LDLRAD4: variants seen among roughly 807,000 people sequenced by gnomAD.
LDLRAD4 encodes low-density lipoprotein receptor class A domain-containing protein 4.
LDLRAD4 carries 5 observed loss-of-function variants against 17.0 expected under a neutral mutation model. The ratio of observed to expected loss-of-function variants is 0.29; its 90% confidence interval spans 0.15 to 0.62. The LOEUF is 0.62. Among genes scored for constraint, LDLRAD4 ranks in the 20% least tolerant of loss-of-function variants. The pLI is 0.84. For missense variants in LDLRAD4, 340 were observed against 424.7 expected (o/e 0.80, Z 1.75); for synonymous variants, 168 against 171.8 (o/e 0.98, Z 0.17).
chr18:13,640,269 G>A (rs774108549), intron 4 of LDLRAD4, among the ~76,000 whole-genome samples: 21 of 117,174 alleles, frequency 1.8e-4, no homozygotes, highest in East Asian at 2.8e-4. Flanking sequence ...CTCCAGCCTG[G>A]GCAACAGAGC....
chr18:13,275,035 G>C (rs2044776502), upstream of LDLRAD4, among the ~76,000 whole-genome samples: 1 of 141,382 alleles, frequency 7.1e-6, no homozygotes, highest in Non-Finnish European at 1.5e-5. Context: ...GCAAGACCCT[G>C]TTTCAAAAAA....
At chr18:13,332,901 T>A (rs1035788573) in intron 1 of LDLRAD4, among the ~76,000 whole-genome samples, 1 of 152,222 alleles carries the variant, frequency 6.6e-6, no homozygotes, top group African/African-American at 2.4e-5. Context: ...TGCATGGTTG[T>A]AAGTTTTTAA....
chr18:13,646,735 G>A (rs1234122574), exon 6 of LDLRAD4: 1 of 152,558 alleles, frequency 6.6e-6, no homozygotes, highest in Non-Finnish European at 1.5e-5. Context: ...TAAAATGCAA[G>A]GTGGTTATTC....
At chr18:13,506,277 T>G (rs2147374074) in intron 3 of LDLRAD4, among the ~76,000 whole-genome samples, 1 of 152,018 alleles carries the variant, frequency 6.6e-6, no homozygotes, top group South Asian at 2.1e-4. Flanking sequence ...ACGTGCAGTT[T>G]TGTTACATAT....
rs571170144 is a variant in LDLRAD4 at position 13,332,938 on chromosome 18, G to A, written c.-382-54403G>A. Reference sequence around the variant, plus strand: ...TTTTTTTTAGTAAATACCAACGAGCGCAATTGCTGGATCATATGCTAAGAG... The same window carrying A: ...TTTTTTTTAGTAAATACCAACGAGCACAATTGCTGGATCATATGCTAAGAG... On this transcript the variant is annotated intron_variant, in intron 1 of 5. Coordinates refer to ENST00000359446, the Ensembl canonical transcript of LDLRAD4. Among the ~76,000 whole-genome samples, 35 of 152,158 alleles carry A rather than the reference G, an allele frequency of 2.3e-4. 1 individual carries two copies. The highest frequency in any genetic ancestry group is 9.2e-4 in the Admixed American group (14 of 15,280).
chr18:13,532,673 A>C (rs2094145863), intron 3 of LDLRAD4, among the ~76,000 whole-genome samples: 1 of 152,226 alleles, frequency 6.6e-6, no homozygotes, highest in South Asian at 2.1e-4. Flanking sequence ...CTGGTTTTAT[A>C]AACAGGGAGA....
rs2086871967 is a variant in LDLRAD4, at chr18:13,398,339, G to A, written c.40+10577G>A. Among the ~76,000 whole-genome samples the A allele has an allele frequency of 6.6e-6, 1 of 152,208 alleles. No homozygotes were observed. Among genetic ancestry groups the A allele is most frequent in the Non-Finnish European group, 1.5e-5 (1 of 68,040 alleles). On this transcript the variant is annotated intron_variant, in intron 2 of 5. Coordinates refer to ENST00000359446, the Ensembl canonical transcript of LDLRAD4. This position sits in a 1 kb window ranked among gnomAD's most constrained non-coding sequence, Gnocchi z 4.8. ...AATGCTTAGGCGTGAAAGCAGCACA[G>A]CGTCACGGTGGTGATGCTTGCGTAG... is the stretch of plus-strand genomic sequence containing the variant.
Position 13,583,730 on chromosome 18 carries a change from G to A in LDLRAD4, c.182-37387G>A, listed in dbSNP as rs187270116. Among the ~76,000 whole-genome samples, 473 of 152,210 alleles carry A rather than the reference G, an allele frequency of 3.1e-3. 3 individuals are homozygous for A. The highest frequency in any genetic ancestry group is 0.01 in the African/African-American group (427 of 41,508). ...ACTGACAAGTAGTGTTGGGGGGCCCGGCCGCGCCGAAGCCTGCTTGAGTCA... is the reference window on the plus strand; with the variant it reads ...ACTGACAAGTAGTGTTGGGGGGCCCAGCCGCGCCGAAGCCTGCTTGAGTCA... On this transcript the variant is annotated intron_variant, in intron 3 of 5. Transcript: ENST00000359446.
At chr18:13,247,314 T>TAACATCATATGTA (rs1350989250) in intron 1 of LDLRAD4, among the ~76,000 whole-genome samples, 1 of 151,402 alleles carries the variant, frequency 6.6e-6, no homozygotes, top group Non-Finnish European at 1.5e-5. Context: ...GTAAAGGCAT[T>TAACATCATATGTA]AACATCATAT....
In LDLRAD4 at chr18:13,416,255, G is replaced by A. The variant is rs116807067; in HGVS notation, c.41-21989G>A. Among the ~76,000 whole-genome samples the A allele has an allele frequency of 9.8e-3, 1,494 of 152,326 alleles. 18 individuals carry two copies. Among genetic ancestry groups the A allele is most frequent in the African/African-American group, 0.033 (1,391 of 41,574 alleles). On this transcript the variant is annotated intron_variant, in intron 2 of 5. Transcript: ENST00000359446. ...TGCAGCTTTAAATGCGAATGCCCAC[G>A]ATTCTGTGTTCTCCAGCCAAGTGTG...
chr18:13,559,725 A>G (rs2094520622), intron 3 of LDLRAD4, among the ~76,000 whole-genome samples: 1 of 152,216 alleles, frequency 6.6e-6, no homozygotes, highest in Non-Finnish European at 1.5e-5. Context: ...TGAGAGTCAG[A>G]AAACTGGGTT....
intron 3 of LDLRAD4, among the ~76,000 whole-genome samples, chr18:13,602,574 T>C (rs1328746057): frequency 2.0e-5 from 3 of 149,188 alleles, no homozygotes; most frequent in Admixed American, 6.7e-5. Flanking sequence ...TCTCAGCTCA[T>C]TGCAACCTCC....
In LDLRAD4 at chr18:13,331,594, A is replaced by G. The variant is rs145439837; in HGVS notation, c.-383+53406A>G. Among the ~76,000 whole-genome samples the G allele has an allele frequency of 1.6e-3, 250 of 152,324 alleles. 2 individuals are homozygous for G. The highest frequency in any genetic ancestry group is 5.8e-3 in the African/African-American group (241 of 41,568). Reference sequence around the variant, plus strand: ...TTGCATCTGGTGTTTATTAAACATGATCAGTGTAACTAATTTTGATAATAA... The same window carrying G: ...TTGCATCTGGTGTTTATTAAACATGGTCAGTGTAACTAATTTTGATAATAA... On this transcript the variant is annotated intron_variant, in intron 1 of 5. Transcript: ENST00000359446.
chr18:13,273,068 C>G (rs545832031), intron 1 of LDLRAD4, among the ~76,000 whole-genome samples: 14 of 152,316 alleles, frequency 9.2e-5, no homozygotes, highest in African/African-American at 3.1e-4. Context: ...TGCACACGTG[C>G]ATTTTATGAT....
At chr18:13,540,683 A>G (rs946494609) in intron 3 of LDLRAD4, among the ~76,000 whole-genome samples, 1 of 152,232 alleles carries the variant, frequency 6.6e-6, no homozygotes. Context: ...AACATTATAA[A>G]TTGCTTCCGA....
chr18:13,582,676 A>G (rs2094879481), intron 3 of LDLRAD4, among the ~76,000 whole-genome samples: 1 of 152,196 alleles, frequency 6.6e-6, no homozygotes, highest in South Asian at 2.1e-4. Flanking sequence ...CTCGCCTCCC[A>G]TGTGGCTCCA....
intron 1 of LDLRAD4, among the ~76,000 whole-genome samples, chr18:13,250,129 A>T (rs925267837): frequency 4.6e-5 from 7 of 152,270 alleles, no homozygotes; most frequent in African/African-American, 7.2e-5. Context: ...TGGCTTGTGT[A>T]TATGTGGATT....
In LDLRAD4 at chr18:13,532,372, A is replaced by C. The variant is rs568360421; in HGVS notation, c.182-88745A>C. Among the ~76,000 whole-genome samples, 6 of 152,308 alleles carry C rather than the reference A, an allele frequency of 3.9e-5. No individual in the cohort carries two copies. The South Asian group carries it at 1.2e-3, about 32-fold the overall frequency. On this transcript the variant is annotated intron_variant, in intron 3 of 5. Coordinates refer to ENST00000359446, the Ensembl canonical transcript of LDLRAD4. ...TCGGCCTGGATGACCTGTGGCATTAAACTGATGCTTATAAAGTAGATGTGC... is the reference window on the plus strand; with the variant it reads ...TCGGCCTGGATGACCTGTGGCATTACACTGATGCTTATAAAGTAGATGTGC...
intron 2 of LDLRAD4, among the ~76,000 whole-genome samples, chr18:13,390,094 C>G (rs762247381): frequency 6.6e-6 from 1 of 152,118 alleles, no homozygotes; most frequent in Admixed American, 6.5e-5. Context: ...CTAATGGGCT[C>G]TGCTCATCAC....
Sources: gnomAD v4.1 joint callset for allele counts (sites outside exome capture counted in the v4.1 genomes callset) on GRCh38, gnomAD v4.1.1 for gene constraint, Gnocchi (gnomAD v3.1) non-coding constraint, MANE v1.5 for transcripts, NCBI Gene and HGNC (gene_info 2026-07-23, HGNC 2026-07-21) for gene names.